Variants in RPL5 observed in about 807,000 individuals in gnomAD.
RPL5 encodes the protein ribosomal protein L5, also known as large ribosomal subunit protein uL18.
In RPL5, 1 loss-of-function variant was observed where a neutral mutation model predicts 38.4. That is an observed-to-expected ratio of 0.03 (90% CI 0.01 to 0.12). The LOEUF (loss-of-function observed/expected upper bound fraction) is 0.12, where lower values mean the gene tolerates loss of function less well. Ranked by LOEUF, RPL5 falls within the 10% of genes least tolerant of loss-of-function variation. The pLI is 1.00. For missense variants in RPL5, 243 were observed against 374.1 expected (o/e 0.65, Z 2.89); for synonymous variants, 109 against 121.2 (o/e 0.90, Z 0.66).
rs2100697058 is a variant in RPL5, at chr1:92,840,620, A to G, written c.775A>G (p.Lys259Glu). 2 of 1,610,084 alleles carry G rather than the reference A, an allele frequency of 1.2e-6. No individual in the cohort carries two copies. Among genetic ancestry groups the G allele is most frequent in the Non-Finnish European group, 1.7e-6 (2 of 1,179,752 alleles). The change falls in exon 7 of 8, where the codon AAA becomes GAA. Residue 259 changes from lysine to glutamate, a missense_variant. Transcript: ENST00000370321. ...TCCAGTCTATGAAAAGAAGCCCAAGAAAGAAGTTAAAAAGAAGAGGTATGT... is the reference window on the plus strand; with the variant it reads ...TCCAGTCTATGAAAAGAAGCCCAAGGAAGAAGTTAAAAAGAAGAGGTATGT... ...ENPVYEKKPKKEVKKKRWNRP... is the reference protein window; with the variant it reads ...ENPVYEKKPKEEVKKKRWNRP...
At chr1:92,834,201 C>T (rs996597459) in intron 3 of RPL5, among the ~76,000 whole-genome samples, 7 of 152,182 alleles carry the variant, frequency 4.6e-5, no homozygotes, top group Non-Finnish European at 7.4e-5. Flanking sequence ...CCTATATGGC[C>T]TTATATGCCA....
At chr1:92,837,356 A>G (rs1253168270) in intron 5 of RPL5, 100 bp from the exon 6 acceptor site, 4 of 1,019,436 alleles carry the variant, frequency 3.9e-6, no homozygotes, top group South Asian at 3.8e-5. Flanking sequence ...TGATGCGATA[A>G]TTGTTTCAAG....
intron 6 of RPL5, among the ~76,000 whole-genome samples, chr1:92,839,558 A>G (rs1029870779): frequency 6.6e-6 from 1 of 152,160 alleles, no homozygotes; most frequent in Admixed American, 6.5e-5. Flanking sequence ...ATGGAAAACA[A>G]AAGTCTAGGG....
chr1:92,834,828 C>T lies in RPL5; in HGVS notation c.239C>T (p.Ala80Val). The T allele has an allele frequency of 6.2e-7, 1 of 1,611,806 alleles. No homozygotes were observed. Residue 80 changes from alanine (A) to valine (V), a missense_variant, in exon 4 of 8, where the codon GCA becomes GTA. Transcript: ENST00000370321. ...GATATGATAGTCTGCGCAGCGTATG[C>T]ACACGAACTGCCAAAATATGGTGTG... is the stretch of plus-strand genomic sequence containing the variant. ...EGDMIVCAAY[A>V]HELPKYGVKV... is the part of the protein sequence containing the mutation.
rs201933033 is a variant in RPL5, at chr1:92,836,436, T to A, written c.527+44T>A. 2.2e-4 allele frequency: 341 copies of A among 1,560,472 alleles called. No homozygotes were observed. In the African/African-American group the frequency reaches 4.2e-3, roughly 19 times the overall value. On this transcript the variant is annotated intron_variant, in intron 5 of 7. Transcript: ENST00000370321. ...ACCTTGGTGCCTGGACCGTGGTACT[T>A]CCCTGTTTTTAACTAGTTGGACTGT...
chr1:92,833,357 CA>C (rs772661926), intron 1 of RPL5, 31 bp from the exon 2 acceptor site: 1 of 1,549,654 alleles, frequency 6.5e-7, no homozygotes, highest in South Asian at 1.1e-5. Flanking sequence ...GCTAAGACAT[CA>C]AAGTTTTAAT....
At chr1:92,835,500 G>GAA (rs560861965) in intron 4 of RPL5, among the ~76,000 whole-genome samples, 31 of 129,306 alleles carry the variant, frequency 2.4e-4, no homozygotes, top group African/African-American at 7.3e-4. Context: ...TAAAAAAGTA[G>GAA]AAAAAAAAAA....
At chr1:92,832,027 C>G, upstream of RPL5, 4 of 1,588,766 alleles carry the variant, frequency 2.5e-6, no homozygotes, top group East Asian at 2.3e-5. Context: ...TGCGCCTGCG[C>G]AAGGGCTGTG....
intron 6 of RPL5, among the ~76,000 whole-genome samples, chr1:92,838,733 G>T (rs1458441989): frequency 6.6e-6 from 1 of 152,136 alleles, no homozygotes. Context: ...AAGGAACTGG[G>T]TTGCTTAGAT....
chr1:92,832,540 G>A (rs779185521), intron 1 of RPL5, among the ~76,000 whole-genome samples: 12 of 152,222 alleles, frequency 7.9e-5, no homozygotes, highest in Non-Finnish European at 1.6e-4. Context: ...GTACTTCGTG[G>A]GTTTTCCAGG....
At chr1:92,836,461 T>C in intron 5 of RPL5, 69 bp downstream of exon 5, 1 of 1,408,020 alleles carries the variant, frequency 7.1e-7, no homozygotes, top group South Asian at 1.2e-5. Context: ...AGTTGGACTG[T>C]GGAGATAACC....
At chr1:92,840,059 A>G (rs1687290636) in intron 6 of RPL5, among the ~76,000 whole-genome samples, 1 of 149,158 alleles carries the variant, frequency 6.7e-6, no homozygotes, top group South Asian at 2.1e-4. Flanking sequence ...TCATTCTGTC[A>G]TCTAGGCTGG....
intron 7 of RPL5, 45 bp from the exon 8 acceptor site, chr1:92,841,721 C>A (rs758657195): frequency 1.6e-5 from 20 of 1,230,436 alleles, no homozygotes; most frequent in Non-Finnish European, 2.3e-5. Context: ...ATATTCTATT[C>A]TCTTCAGTTA....
chr1:92,840,366 G>A, intron 6 of RPL5, 185 bp from the exon 7 acceptor site: 1 of 574,070 alleles, frequency 1.7e-6, no homozygotes. Context: ...CATTGCATAA[G>A]GTGAAAATTG....
At chr1:92,833,752 T>C in intron 3 of RPL5, 92 bp downstream of exon 3, 1 of 966,506 alleles carries the variant, frequency 1.0e-6, no homozygotes, top group Non-Finnish European at 1.6e-6. Context: ...AGAAGGGCTG[T>C]CTAGCACCTC....
intron 5 of RPL5, chr1:92,836,669 C>A (rs992579144): frequency 2.4e-6 from 1 of 410,358 alleles, no homozygotes; most frequent in Non-Finnish European, 4.5e-6. Context: ...TGACTTAATT[C>A]TTATTAGAAA....
chr1:92,834,628 A>G (rs1326650394), intron 3 of RPL5, 151 bp from the exon 4 acceptor site: 5 of 995,442 alleles, frequency 5.0e-6, no homozygotes, highest in Non-Finnish European at 7.6e-6. Flanking sequence ...AAGCACCTCT[A>G]ATTTACTGGT....
chr1:92,836,599 C>T (rs1469564728), intron 5 of RPL5: 2 of 578,212 alleles, frequency 3.5e-6, no homozygotes, highest in Non-Finnish European at 6.1e-6. Flanking sequence ...AGTTATTTGT[C>T]CCAAGTTTTT....
intron 7 of RPL5, 86 bp from the exon 8 acceptor site, chr1:92,841,680 A>AAAATT: frequency 1.2e-6 from 1 of 841,672 alleles, no homozygotes; most frequent in Non-Finnish European, 1.7e-6. Context: ...ATTCTCTATC[A>AAAATT]AAATTAAATT....
Sources: gnomAD v4.1 joint callset for allele counts (sites outside exome capture counted in the v4.1 genomes callset) on GRCh38, gnomAD v4.1.1 for gene constraint, MANE v1.5 for transcripts, NCBI Gene and HGNC (gene_info 2026-07-23, HGNC 2026-07-21) for gene names.